The following UHRF2 variants were observed in gnomAD, a reference collection of about 807,000 sequenced individuals.
UHRF2 encodes ubiquitin like with PHD and ring finger domains 2, also known as E3 ubiquitin-protein ligase UHRF2.
UHRF2 carries 23 observed loss-of-function variants against 96.8 expected under a neutral mutation model. The ratio of observed to expected loss-of-function variants is 0.24; its 90% CI spans 0.17 to 0.34. The LOEUF is 0.34. UHRF2 is among the 10% of genes least tolerant of loss of function. The probability of loss-of-function intolerance (pLI) is 1.00; values close to 1 mark genes in which losing one functional copy is unlikely to be tolerated. For missense variants in UHRF2, 685 were observed against 981.5 expected (o/e 0.70, Z 4.04); for synonymous variants, 385 against 332.6 (o/e 1.16, Z -1.72).
chr9:6,484,409 T>C lies in UHRF2; in HGVS notation c.1392+2310T>C, dbSNP rs1031851510. ...CAGCAGCTTCTCCTCCTCCTCCTCC[T>C]CCCTCCTCCCTCCTCCCTCCTGTCT... On this transcript the variant is annotated intron_variant, in intron 8 of 15. Coordinates refer to ENST00000276893, the MANE Select transcript of UHRF2 (RefSeq NM_152896.3). Among the ~76,000 whole-genome samples the C allele has an allele frequency of 1.2e-3, 171 of 142,668 alleles. 1 individual carries two copies. The highest frequency in any genetic ancestry group is 4.4e-3 in the African/African-American group (166 of 37,362). 93.6% of individuals were successfully genotyped at this position (142,668 alleles called of 152,430 possible).
chr9:6,504,015 CTTTTTTTTTTT>C (rs35325264), intron 14 of UHRF2, among the ~76,000 whole-genome samples: 9 of 78,940 alleles, frequency 1.1e-4, no homozygotes, highest in South Asian at 8.7e-4. Context: ...AAATAGAAGA[CTTTTTTTTTTT>C]TTTTTTTTTT....
intron 6 of UHRF2, among the ~76,000 whole-genome samples, chr9:6,479,651 A>G (rs1054938952): frequency 1.3e-5 from 2 of 152,164 alleles, no homozygotes; most frequent in Admixed American, 6.5e-5. Context: ...GTTGACTGGG[A>G]CCACAAAATT....
intron 1 of UHRF2, among the ~76,000 whole-genome samples, chr9:6,417,230 C>T (rs1283825396): frequency 6.6e-6 from 1 of 152,052 alleles, no homozygotes; most frequent in Admixed American, 6.6e-5. Context: ...CTCTTGTTAC[C>T]TGGAGTTTCT....
chr9:6,420,879 G>A, intron 1 of UHRF2, 33 bp from the exon 2 acceptor site: 1 of 1,539,220 alleles, frequency 6.5e-7, no homozygotes, highest in East Asian at 2.2e-5. Flanking sequence ...ACATTTTAGA[G>A]AAGCATTTCA....
In UHRF2 at chr9:6,417,024, A is replaced by G. The variant is rs942015254; in HGVS notation, c.153+3381A>G. Among the ~76,000 whole-genome samples, 2 of 152,138 alleles carry G rather than the reference A, an allele frequency of 1.3e-5. 1 individual carries two copies. Among genetic ancestry groups the G allele is most frequent in the Non-Finnish European group, 2.9e-5 (2 of 68,040 alleles). On this transcript the variant is annotated intron_variant, in intron 1 of 15. Coordinates refer to ENST00000276893, the MANE Select transcript of UHRF2 (RefSeq NM_152896.3). ...TACTTGCCTATTTAAAGGAATATCT[A>G]TGTATATATTATATATGATGTATAT...
chr9:6,484,002 C>T (rs1446103357), intron 8 of UHRF2, among the ~76,000 whole-genome samples: 1 of 151,944 alleles, frequency 6.6e-6, no homozygotes, highest in Non-Finnish European at 1.5e-5. Flanking sequence ...TCATCATTTT[C>T]TGTTTCTCAG....
At chr9:6,500,485 CTT>C (rs1816228051) in intron 13 of UHRF2, 65 bp from the exon 14 acceptor site, 3 of 1,392,536 alleles carry the variant, frequency 2.2e-6, no homozygotes, top group South Asian at 1.5e-5. Context: ...CCAGTTAACT[CTT>C]TTGTTTCATA....
intron 4 of UHRF2, among the ~76,000 whole-genome samples, chr9:6,469,701 C>CAT (rs750086912): frequency 4.8e-4 from 71 of 148,642 alleles, no homozygotes; most frequent in Non-Finnish European, 9.5e-4. Flanking sequence ...CACGTATATA[C>CAT]ATACATATAC....
At chr9:6,461,177 C>G (rs1302151831) in intron 4 of UHRF2, among the ~76,000 whole-genome samples, 1 of 152,194 alleles carries the variant, frequency 6.6e-6, no homozygotes, top group Non-Finnish European at 1.5e-5. Context: ...GTCTGCTGGA[C>G]TTCTAAGACT....
chr9:6,498,285 A>G, intron 12 of UHRF2, 127 bp downstream of exon 12: 2 of 1,014,866 alleles, frequency 2.0e-6, no homozygotes, highest in Non-Finnish European at 2.8e-6. Context: ...GAGGAATAAG[A>G]TCATGCAAAT....
intron 3 of UHRF2, among the ~76,000 whole-genome samples, chr9:6,448,248 T>C (rs913691363): frequency 6.6e-6 from 1 of 152,130 alleles, no homozygotes; most frequent in African/African-American, 2.4e-5. Context: ...GATAGGTACA[T>C]AGTAACAACC....
chr9:6,500,589 A>G lies in UHRF2; in HGVS notation c.2043A>G (p.Ser681=), dbSNP rs759284039. The G allele has an allele frequency of 7.4e-6, 12 of 1,613,230 alleles. No homozygotes were observed. Among genetic ancestry groups the G allele is most frequent in the Non-Finnish European group, 5.1e-6 (6 of 1,179,936 alleles). The part of the protein sequence containing the change: ...CPSASKVYKA[S]DSAEAIEAFQ... ...GTGCCTCCAAAGTGTACAAAGCATC[A>G]GATTCAGCAGAAGCAATTGAGGCTT... The change falls in exon 14 of 16, where the codon TCA becomes TCG. Residue 681 remains serine (S), a synonymous_variant. Transcript: ENST00000276893.
intron 3 of UHRF2, among the ~76,000 whole-genome samples, chr9:6,453,282 TG>T (rs1355187581): frequency 1.3e-5 from 2 of 152,226 alleles, no homozygotes; most frequent in African/African-American, 4.8e-5. Flanking sequence ...CTTTCCATTC[TG>T]GGTATTTAAT....
At chr9:6,442,785 C>T (rs1405459908) in intron 3 of UHRF2, among the ~76,000 whole-genome samples, 1 of 152,094 alleles carries the variant, frequency 6.6e-6, no homozygotes, top group Non-Finnish European at 1.5e-5. Context: ...GCCACTGTGC[C>T]TGGCATGGCA....
Position 6,497,375 on chromosome 9 carries a change from A to G in UHRF2, c.1767+15A>G, listed in dbSNP as rs772129340. 16 of 1,610,834 alleles carry G rather than the reference A, an allele frequency of 9.9e-6. No homozygotes were observed. Among genetic ancestry groups the G allele is most frequent in the Non-Finnish European group, 1.3e-5 (15 of 1,177,598 alleles). ...GCATTTATAAGGTGCTCTATCTGGC[A>G]TGACATCTTGTTTGTCATTCTTCCT... On this transcript the variant is annotated intron_variant, in intron 11 of 15. Transcript: ENST00000276893.
chr9:6,456,578 T>C (rs1271376340), intron 3 of UHRF2, among the ~76,000 whole-genome samples: 1 of 152,192 alleles, frequency 6.6e-6, no homozygotes, highest in African/African-American at 2.4e-5. Flanking sequence ...TGCCGTTGCT[T>C]TTGGTGTTTT....
intron 4 of UHRF2, among the ~76,000 whole-genome samples, chr9:6,465,097 A>G (rs1389664325): frequency 6.6e-6 from 1 of 152,044 alleles, no homozygotes; most frequent in East Asian, 1.9e-4. Flanking sequence ...TGGGCCCTGA[A>G]TTACATTGTT....
At chr9:6,419,488 T>A (rs1433766760) in intron 1 of UHRF2, among the ~76,000 whole-genome samples, 2 of 151,958 alleles carry the variant, frequency 1.3e-5, no homozygotes, top group Non-Finnish European at 2.9e-5. Flanking sequence ...ACTTAAAAAA[T>A]AAAAACCTAC....
intron 3 of UHRF2, among the ~76,000 whole-genome samples, chr9:6,453,972 C>G (rs1822024674): frequency 6.6e-6 from 1 of 152,076 alleles, no homozygotes; most frequent in African/African-American, 2.4e-5. Context: ...TTGTACTTGT[C>G]AGGTTCCTTC....
Sources: allele counts gnomAD v4.1 joint callset (sites outside exome capture counted in the v4.1 genomes callset), GRCh38; gene constraint gnomAD v4.1.1; transcripts MANE v1.5; gene names NCBI Gene and HGNC (gene_info 2026-07-23, HGNC 2026-07-21).